ARB2A: variants seen among roughly 807,000 people sequenced by gnomAD.
The protein encoded by ARB2A is ARB2 cotranscriptional regulator A.
the ARB2A span, among the ~76,000 whole-genome samples, chr5:94,066,081 C>A: frequency 6.6e-6 from 1 of 152,060 alleles, no homozygotes; most frequent in Non-Finnish European, 1.5e-5. Context: ...GGAAACTAAA[C>A]TTGCTTCTGA....
chr5:93,825,656 T>A, the ARB2A span, among the ~76,000 whole-genome samples: 1 of 152,120 alleles, frequency 6.6e-6, no homozygotes, highest in Admixed American at 6.5e-5. Context: ...GCAATAAAAA[T>A]GAAATCCATG....
the ARB2A span, among the ~76,000 whole-genome samples, chr5:93,660,020 T>C: frequency 1.3e-5 from 2 of 151,852 alleles, no homozygotes; most frequent in African/African-American, 2.4e-5. Context: ...AATTGGGAGA[T>C]AGAATAGAGT....
At chr5:93,954,974 C>T in the ARB2A span, among the ~76,000 whole-genome samples, 18 of 152,150 alleles carry the variant, frequency 1.2e-4, no homozygotes, top group African/African-American at 4.3e-4. Context: ...TCACTGTGCT[C>T]TCCCTCCCCC....
the ARB2A span, among the ~76,000 whole-genome samples, chr5:93,900,384 G>A: frequency 3.3e-5 from 5 of 152,050 alleles, no homozygotes; most frequent in African/African-American, 4.8e-5. Flanking sequence ...AGGCTGAGGT[G>A]GGTGGATCAC....
At chr5:93,819,983 A>G in the ARB2A span, among the ~76,000 whole-genome samples, 1 of 152,234 alleles carries the variant, frequency 6.6e-6, no homozygotes, top group Non-Finnish European at 1.5e-5. Context: ...GTGGGTAGCG[A>G]TACACTTTCA....
the ARB2A span, among the ~76,000 whole-genome samples, chr5:93,703,671 C>G: frequency 1.3e-5 from 2 of 152,184 alleles, no homozygotes; most frequent in African/African-American, 4.8e-5. Context: ...ACTGTAGTTA[C>G]TAGAGAAGGT....
chr5:93,899,013 C>T, the ARB2A span, among the ~76,000 whole-genome samples: 1 of 152,022 alleles, frequency 6.6e-6, no homozygotes, highest in Non-Finnish European at 1.5e-5. Flanking sequence ...ACACCATTGA[C>T]CAATATAACA....
chr5:93,770,476 G>T, the ARB2A span, among the ~76,000 whole-genome samples: 1 of 152,074 alleles, frequency 6.6e-6, no homozygotes, highest in East Asian at 1.9e-4. Flanking sequence ...GCAGGAGAAG[G>T]AAATAAAGGG....
At chr5:93,776,262 A>G in the ARB2A span, 3 of 1,574,080 alleles carry the variant, frequency 1.9e-6, no homozygotes, top group Non-Finnish European at 2.6e-6. Context: ...TAATAGAGAC[A>G]ATATTGTTGA....
the ARB2A span, among the ~76,000 whole-genome samples, chr5:93,907,315 C>G: frequency 6.6e-6 from 1 of 151,474 alleles, no homozygotes; most frequent in South Asian, 2.1e-4. Context: ...TCCAAGAAAT[C>G]TGCACACTTT....
the ARB2A span, among the ~76,000 whole-genome samples, chr5:93,642,074 A>T: frequency 6.6e-6 from 1 of 151,956 alleles, no homozygotes; most frequent in Non-Finnish European, 1.5e-5. Context: ...TCCATCACCC[A>T]GGCCCAAGTG....
At chr5:94,091,320 ATCAC>A in the ARB2A span, among the ~76,000 whole-genome samples, 22 of 152,194 alleles carry the variant, frequency 1.4e-4, no homozygotes, top group Admixed American at 1.2e-3. Flanking sequence ...CACCATTACA[ATCAC>A]TCACTGTTTC....
chr5:93,722,933 C>G, the ARB2A span, among the ~76,000 whole-genome samples: 1 of 152,076 alleles, frequency 6.6e-6, no homozygotes, highest in East Asian at 1.9e-4. Flanking sequence ...GTTAAATGTT[C>G]TCAACAAATC....
At chr5:93,730,406 G>A in the ARB2A span, among the ~76,000 whole-genome samples, 9 of 151,726 alleles carry the variant, frequency 5.9e-5, no homozygotes, top group Non-Finnish European at 7.4e-5. Flanking sequence ...AATGTCAAAG[G>A]TAATACATAT....
At chr5:93,920,144 A>G in the ARB2A span, among the ~76,000 whole-genome samples, 1 of 152,202 alleles carries the variant, frequency 6.6e-6, no homozygotes, top group Non-Finnish European at 1.5e-5. Context: ...ACCACTATAT[A>G]CTATAGCTTT....
the ARB2A span, among the ~76,000 whole-genome samples, chr5:93,989,655 T>C: frequency 2.4e-4 from 36 of 152,320 alleles, no homozygotes; most frequent in Admixed American, 1.9e-3. Flanking sequence ...TTAAGAGCAC[T>C]GCTCTAGATT....
chr5:93,866,069 A>G, the ARB2A span: 1 of 983,556 alleles, frequency 1.0e-6, no homozygotes, highest in African/African-American at 1.7e-5. Flanking sequence ...CTTAAGATGC[A>G]TCCCAAATTC....
chr5:93,858,947 G>A, the ARB2A span, among the ~76,000 whole-genome samples: 1 of 152,144 alleles, frequency 6.6e-6, no homozygotes, highest in Non-Finnish European at 1.5e-5. Context: ...TCAAATTAGT[G>A]AGTGAGGAAG....
chr5:93,872,082 G>A, the ARB2A span, among the ~76,000 whole-genome samples: 45 of 151,606 alleles, frequency 3.0e-4, no homozygotes, highest in Admixed American at 7.2e-4. Flanking sequence ...CAGAGTAGCC[G>A]GGACTACAGG....
Sources: gnomAD v4.1 joint callset for allele counts (sites outside exome capture counted in the v4.1 genomes callset) on GRCh38, gnomAD v4.1.1 for gene constraint, MANE v1.5 for transcripts, NCBI Gene and HGNC (gene_info 2026-07-23, HGNC 2026-07-21) for gene names.